The following UXS1 variants were observed in gnomAD, a reference collection of about 807,000 sequenced individuals.
The protein encoded by UXS1 is UDP-glucuronate decarboxylase 1.
A neutral mutation model predicts 62.6 loss-of-function variants in UXS1; 33 were observed. That is an observed-to-expected ratio of 0.53 (90% CI 0.40 to 0.70). The LOEUF is 0.70. Among genes scored for constraint, UXS1 ranks in the 30% least tolerant of loss-of-function variants. The pLI, the probability that UXS1 is intolerant of heterozygous loss-of-function variation, is 0.00. For synonymous variants in UXS1, 213 were observed against 206.8 expected, an observed-to-expected ratio of 1.03 and a Z score of -0.26; for missense variants, 434 against 556.3, an observed-to-expected ratio of 0.78 and a Z score of 2.21.
At chr2:106,162,083 G>A (rs1385487396) in intron 4 of UXS1, among the ~76,000 whole-genome samples, 1 of 152,122 alleles carries the variant, frequency 6.6e-6, no homozygotes. Flanking sequence ...TTTTTAGCCA[G>A]GCCTACGCTT....
At chr2:106,130,398 C>T (rs1680345196) in intron 6 of UXS1, among the ~76,000 whole-genome samples, 1 of 152,202 alleles carries the variant, frequency 6.6e-6, no homozygotes, top group Non-Finnish European at 1.5e-5. Context: ...AACATCTGCA[C>T]ATAGCAGAGA....
Position 106,112,727 on chromosome 2 carries a change from G to A in UXS1, c.798C>T (p.Thr266=), listed in dbSNP as rs769265481. Residue 266 remains threonine (T), a synonymous_variant, in exon 10 of 15, where the codon ACC becomes ACT. Coordinates refer to ENST00000283148, the MANE Select transcript of UXS1 (RefSeq NM_001253875.2). ...CGTTCATGTGCATGCGTGGCCCAAA[G>A]GTGTTGAAGATTCTGGCCACTCGCA... The part of the protein sequence containing the change: ...VEVRVARIFN[T]FGPRMHMNDG... The A allele has an allele frequency of 4.3e-6, 7 of 1,613,908 alleles. No homozygotes were observed. The Admixed American group carries it at 1.2e-4, about 27-fold the overall frequency.
chr2:106,166,166 C>G (rs991517428), intron 1 of UXS1, 83 bp from the exon 2 acceptor site: 11 of 1,339,700 alleles, frequency 8.2e-6, no homozygotes, highest in African/African-American at 7.4e-5. Flanking sequence ...AAATTTTAAC[C>G]AATATTTTAA....
At chr2:106,186,349 T>C (rs13014335) in intron 1 of UXS1, among the ~76,000 whole-genome samples, 54,144 of 151,904 alleles carry the variant, frequency 0.36, 10,121 homozygotes, top group Non-Finnish European at 0.4. Flanking sequence ...TTAGCAAGCA[T>C]TGTTATAAAA....
chr2:106,181,369 G>A (rs1000817876), intron 1 of UXS1, among the ~76,000 whole-genome samples: 3 of 152,206 alleles, frequency 2.0e-5, no homozygotes, highest in South Asian at 2.1e-4. Flanking sequence ...GAGCACCACC[G>A]ATTAGGTTTG....
At chr2:106,178,385 T>G (rs903220075) in intron 1 of UXS1, among the ~76,000 whole-genome samples, 1 of 152,212 alleles carries the variant, frequency 6.6e-6, no homozygotes, top group African/African-American at 2.4e-5. Flanking sequence ...ACCACTATAT[T>G]ATGTTCTTTA....
chr2:106,154,913 C>T (rs1261553560), intron 5 of UXS1, among the ~76,000 whole-genome samples: 1 of 152,224 alleles, frequency 6.6e-6, no homozygotes, highest in Non-Finnish European at 1.5e-5. Flanking sequence ...GCACACGGTC[C>T]TGCAGGCTGT....
In UXS1 at chr2:106,099,514, C is replaced by A. The variant is rs569897339; in HGVS notation, c.985-741G>T. ...GGAGAGACCCTGGGCCTCAATGGAG[C>A]ACAGAGGGGATGACTAGCGAAGTGG... On this transcript the variant is annotated intron_variant, in intron 12 of 14. Transcript: ENST00000283148. Among the ~76,000 whole-genome samples, 7 of 152,234 alleles carry A rather than the reference C, an allele frequency of 4.6e-5. No individual in the cohort carries two copies. In the South Asian group the frequency reaches 1.2e-3, roughly 27 times the overall value.
chr2:106,174,823 C>T (rs1683778805), intron 1 of UXS1, among the ~76,000 whole-genome samples: 2 of 152,172 alleles, frequency 1.3e-5, no homozygotes, highest in Non-Finnish European at 2.9e-5. Flanking sequence ...CAAGAGGTAG[C>T]CGGTGACTTG....
chr2:106,149,737 T>C (rs1349086007), intron 5 of UXS1, among the ~76,000 whole-genome samples: 2 of 152,064 alleles, frequency 1.3e-5, no homozygotes, highest in East Asian at 1.9e-4. Context: ...TACAAACACC[T>C]GAAAATGTGG....
intron 6 of UXS1, among the ~76,000 whole-genome samples, chr2:106,143,684 C>T (rs1681332513): frequency 6.6e-6 from 1 of 152,066 alleles, no homozygotes; most frequent in South Asian, 2.1e-4. Flanking sequence ...TTCAGGATGA[C>T]AGCAAAATTC....
At chr2:106,165,415 C>G (rs1683154088) in intron 2 of UXS1, among the ~76,000 whole-genome samples, 1 of 152,212 alleles carries the variant, frequency 6.6e-6, no homozygotes, top group Non-Finnish European at 1.5e-5. Flanking sequence ...GTGATTCTCA[C>G]AACATAACCA....
At chr2:106,112,371 G>A (rs115901594) in intron 10 of UXS1, among the ~76,000 whole-genome samples, 173 of 152,350 alleles carry the variant, frequency 1.1e-3, no homozygotes, top group African/African-American at 3.9e-3. Flanking sequence ...TGTCGGAGAA[G>A]GTCTTCACAG....
At chr2:106,170,618 C>A (rs1683497022) in intron 1 of UXS1, among the ~76,000 whole-genome samples, 1 of 152,176 alleles carries the variant, frequency 6.6e-6, no homozygotes, top group South Asian at 2.1e-4. Flanking sequence ...AAAGCTCTAC[C>A]TGCTTTGCTT....
intron 5 of UXS1, 97 bp from the exon 6 acceptor site, chr2:106,145,467 G>A (rs999153244): frequency 5.8e-5 from 82 of 1,421,012 alleles, no homozygotes; most frequent in Non-Finnish European, 7.2e-5. Context: ...GTGCAGCCAC[G>A]ACTTAAAACT....
intron 7 of UXS1, among the ~76,000 whole-genome samples, chr2:106,128,486 C>A (rs73951226): frequency 1.1e-3 from 172 of 152,144 alleles, no homozygotes; most frequent in African/African-American, 4.1e-3. Context: ...AACACATGGC[C>A]CTCCCCAACG....
intron 9 of UXS1, among the ~76,000 whole-genome samples, chr2:106,114,185 C>T (rs547641554): frequency 3.9e-5 from 6 of 152,200 alleles, no homozygotes; most frequent in African/African-American, 1.4e-4. Flanking sequence ...CAAACCCAGG[C>T]GGGTTTTTAA....
intron 5 of UXS1, among the ~76,000 whole-genome samples, chr2:106,154,294 CAAGAT>C (rs549436678): frequency 5.1e-4 from 77 of 152,210 alleles, no homozygotes; most frequent in Non-Finnish European, 4.4e-4. Context: ...AAACCAAAGA[CAAGAT>C]AAGATTTTGA....
At chr2:106,173,474 A>T (rs968357885) in intron 1 of UXS1, among the ~76,000 whole-genome samples, 1 of 152,176 alleles carries the variant, frequency 6.6e-6, no homozygotes, top group Non-Finnish European at 1.5e-5. Flanking sequence ...GAATCGCTTG[A>T]GCCCAGGAGG....
Sources: gnomAD v4.1 joint callset for allele counts (sites outside exome capture counted in the v4.1 genomes callset) on GRCh38, gnomAD v4.1.1 for gene constraint, MANE v1.5 for transcripts, NCBI Gene and HGNC (gene_info 2026-07-23, HGNC 2026-07-21) for gene names.